The following INPP5A variants were observed in gnomAD, a reference collection of about 807,000 sequenced individuals.
INPP5A encodes 43 kDa inositol polyphosphate 5-phophatase.
In INPP5A, 14 loss-of-function variants were observed where a neutral mutation model predicts 65.2. The observed-to-expected ratio is 0.21, with a 90% CI of 0.14 to 0.34. INPP5A has a LOEUF of 0.34. Ranked by LOEUF, INPP5A falls within the 10% of genes least tolerant of loss-of-function variation. The probability of loss-of-function intolerance (pLI) is 1.00; values close to 1 mark genes in which losing one functional copy is unlikely to be tolerated. For synonymous variants in INPP5A, 207 were observed against 208.3 expected (o/e 0.99, Z 0.05); for missense variants, 431 against 545.6 (o/e 0.79, Z 2.09).
At chr10:132,735,975 C>T (rs892787036) in intron 9 of INPP5A, among the ~76,000 whole-genome samples, 4 of 152,178 alleles carry the variant, frequency 2.6e-5, no homozygotes, top group African/African-American at 4.8e-5. Flanking sequence ...GTGTGCAAAG[C>T]GAAGAGACTG....
intron 1 of INPP5A, among the ~76,000 whole-genome samples, chr10:132,589,358 G>A (rs2071588741): frequency 6.6e-6 from 1 of 152,236 alleles, no homozygotes; most frequent in Non-Finnish European, 1.5e-5. Flanking sequence ...TGAGGCAAAG[G>A]GAAGGTGGAG....
chr10:132,728,748 T>A (rs1846030523), intron 9 of INPP5A, among the ~76,000 whole-genome samples: 3 of 152,180 alleles, frequency 2.0e-5, no homozygotes, highest in African/African-American at 4.8e-5. Context: ...TTCCTTCTGG[T>A]AGAGCAAATG....
chr10:132,712,502 GCA>G (rs1845659308), intron 8 of INPP5A, among the ~76,000 whole-genome samples: 2 of 150,514 alleles, frequency 1.3e-5, no homozygotes, highest in Admixed American at 6.6e-5. Flanking sequence ...TTGGGTGTGT[GCA>G]CACTTGCAGG....
intron 2 of INPP5A, among the ~76,000 whole-genome samples, chr10:132,618,838 C>T (rs977648563): frequency 2.0e-4 from 30 of 152,186 alleles, no homozygotes; most frequent in African/African-American, 6.5e-4. Flanking sequence ...GACCAGACCT[C>T]ATGTGAACTC....
chr10:132,638,768 A>G (rs886904365), intron 2 of INPP5A, among the ~76,000 whole-genome samples: 3 of 151,960 alleles, frequency 2.0e-5, no homozygotes, highest in Admixed American at 1.3e-4. Flanking sequence ...GGGTTTCACC[A>G]TGTTGGCCAG....
chr10:132,648,777 C>A (rs1218065302), intron 3 of INPP5A, among the ~76,000 whole-genome samples: 1 of 152,122 alleles, frequency 6.6e-6, no homozygotes, highest in East Asian at 1.9e-4. Flanking sequence ...TATAATGTGC[C>A]CTTTCCTCCA....
chr10:132,746,583 G>A (rs535184371), intron 9 of INPP5A, among the ~76,000 whole-genome samples: 2 of 152,334 alleles, frequency 1.3e-5, no homozygotes, highest in East Asian at 3.9e-4. Flanking sequence ...TATCCAAACA[G>A]TAAGAAGAAA....
rs2071040744 is a variant in INPP5A, at chr10:132,550,895, AG to A, written c.75+12727del. ...CTGGCCCCTATGGCGTTTGGCCTTC[AG>A]GGTGGTCATTGGGTGCGTGGCTCTC... On this transcript the variant is annotated intron_variant, in intron 1 of 15. Coordinates refer to ENST00000368594, the MANE Select transcript of INPP5A (RefSeq NM_005539.5). This position sits in a 1 kb window ranked among gnomAD's most constrained non-coding sequence, Gnocchi z 4.2. 6.6e-6 allele frequency among the ~76,000 whole-genome samples: 1 copy of A among 152,182 alleles called. No individual in the cohort carries two copies. The highest frequency in any genetic ancestry group is 1.5e-5 in the Non-Finnish European group (1 of 68,020).
rs531867530 is a variant in INPP5A, at chr10:132,689,978, C to A, written c.307-414C>A. Reference sequence around the variant, plus strand: ...AGGGTCTGGTCCACTCAATGCCCGGCCGGTGGGACCTGCGCCCCTGCTGGA... The same window carrying A: ...AGGGTCTGGTCCACTCAATGCCCGGACGGTGGGACCTGCGCCCCTGCTGGA... On this transcript the variant is annotated intron_variant, in intron 4 of 15. Coordinates refer to ENST00000368594, the MANE Select transcript of INPP5A (RefSeq NM_005539.5). 5.9e-5 allele frequency among the ~76,000 whole-genome samples: 9 copies of A among 152,376 alleles called. No individual in the cohort carries two copies. The South Asian group carries it at 1.9e-3, about 32-fold the overall frequency.
In INPP5A at chr10:132,597,273, G is replaced by A. The variant is rs542723196; in HGVS notation, c.76-10642G>A. Among the ~76,000 whole-genome samples, 13 of 152,328 alleles carry A rather than the reference G, an allele frequency of 8.5e-5. No homozygotes were observed. The South Asian group carries it at 2.7e-3, about 32-fold the overall frequency. ...ACCTTTTCTGTTCTTCTCAGTGTTT[G>A]TGCTACTGTCCTCTCCCTCTTCTCT... On this transcript the variant is annotated intron_variant, in intron 1 of 15. Coordinates refer to ENST00000368594, the MANE Select transcript of INPP5A (RefSeq NM_005539.5).
At chr10:132,774,542 C>A (rs1847011250) in intron 12 of INPP5A, among the ~76,000 whole-genome samples, 1 of 152,212 alleles carries the variant, frequency 6.6e-6, no homozygotes, top group Admixed American at 6.5e-5. Context: ...AAGCCGTGGG[C>A]CCCCACCCAG....
At chr10:132,767,007 C>T (rs1397910104) in intron 12 of INPP5A, among the ~76,000 whole-genome samples, 3 of 129,204 alleles carry the variant, frequency 2.3e-5, no homozygotes, top group Admixed American at 7.9e-5. Context: ...AGGATGCGGC[C>T]TCGGAGCTTG....
intron 13 of INPP5A, 146 bp from the exon 14 acceptor site, chr10:132,780,703 G>C (rs867687623): frequency 1.2e-5 from 9 of 725,078 alleles, no homozygotes; most frequent in Middle Eastern, 4.9e-4. Context: ...GGCAGGGCGG[G>C]TGGCAGAGGC....
chr10:132,747,324 CA>C (rs1453822029), intron 9 of INPP5A, among the ~76,000 whole-genome samples: 1 of 152,256 alleles, frequency 6.6e-6, no homozygotes, highest in Non-Finnish European at 1.5e-5. Flanking sequence ...CACATGAGTC[CA>C]AAAGCCACTT....
chr10:132,613,511 A>G (rs1030912121), intron 2 of INPP5A, among the ~76,000 whole-genome samples: 5 of 152,310 alleles, frequency 3.3e-5, no homozygotes, highest in African/African-American at 1.2e-4. Flanking sequence ...GCAGTGTGTC[A>G]TTTTTCCTGG....
At chr10:132,576,784 G>A (rs1265874151) in intron 1 of INPP5A, among the ~76,000 whole-genome samples, 3 of 152,146 alleles carry the variant, frequency 2.0e-5, no homozygotes, top group East Asian at 3.9e-4. Flanking sequence ...TGTGCTGACC[G>A]GCCACAGACC....
chr10:132,708,030 G>A (rs1307989335), intron 6 of INPP5A, among the ~76,000 whole-genome samples: 1 of 152,166 alleles, frequency 6.6e-6, no homozygotes, highest in African/African-American at 2.4e-5. Flanking sequence ...CTCTCACATG[G>A]GGGCATGGGG....
chr10:132,701,731 A>G (rs1425076854), intron 6 of INPP5A, among the ~76,000 whole-genome samples: 2 of 150,510 alleles, frequency 1.3e-5, no homozygotes, highest in East Asian at 4.0e-4. Context: ...GACTCTGGGG[A>G]CCTCCTTCCT....
At chr10:132,621,492 AGGT>A (rs1463948169) in intron 2 of INPP5A, among the ~76,000 whole-genome samples, 1 of 152,226 alleles carries the variant, frequency 6.6e-6, no homozygotes, top group Non-Finnish European at 1.5e-5. Flanking sequence ...TGTTCTGGAA[AGGT>A]GGTACCGCTT....
Sources: gnomAD v4.1 joint callset for allele counts (sites outside exome capture counted in the v4.1 genomes callset) on GRCh38, gnomAD v4.1.1 for gene constraint, Gnocchi (gnomAD v3.1) non-coding constraint, MANE v1.5 for transcripts, NCBI Gene and HGNC (gene_info 2026-07-23, HGNC 2026-07-21) for gene names.